CALN1: variants seen among roughly 807,000 people sequenced by gnomAD.
CALN1 encodes the protein calneuron 1.
A neutral mutation model predicts 30.6 loss-of-function variants in CALN1; 17 were observed. That is an observed-to-expected ratio of 0.56 (90% CI 0.38 to 0.83). CALN1 has a LOEUF of 0.83. Ranked by LOEUF, CALN1 falls within the 40% of genes least tolerant of loss-of-function variation. The probability of loss-of-function intolerance (pLI) is 0.00; values close to 1 mark genes in which losing one functional copy is unlikely to be tolerated. For missense variants in CALN1, 291 were observed against 354.9 expected, an observed-to-expected ratio of 0.82 and a Z score of 1.45; for synonymous variants, 156 against 131.4, an observed-to-expected ratio of 1.19 and a Z score of -1.28.
chr7:71,806,126 G>A (rs1281992438), intron 6 of CALN1, among the ~76,000 whole-genome samples: 1 of 152,120 alleles, frequency 6.6e-6, no homozygotes, highest in East Asian at 1.9e-4. Flanking sequence ...GTAATGGGTT[G>A]ATAGGTGCTG....
At chr7:71,910,697 A>C (rs1794381470) in intron 5 of CALN1, among the ~76,000 whole-genome samples, 1 of 152,210 alleles carries the variant, frequency 6.6e-6, no homozygotes. Context: ...AGCAGATTCT[A>C]GCAGCCTCAT....
At chr7:72,457,026 G>C in the CALN1 span, among the ~76,000 whole-genome samples, 770 of 26,852 alleles carry the variant, frequency 0.029, 3 homozygotes, top group African/African-American at 0.084. Context: ...TTTTTTTTTT[G>C]AGACAGAGTT....
At chr7:71,831,909 C>T (rs369891376) in intron 5 of CALN1, among the ~76,000 whole-genome samples, 1 of 66,428 alleles carries the variant, frequency 1.5e-5, no homozygotes, top group Non-Finnish European at 3.5e-5. Context: ...AAACCAAAAA[C>T]AAGAAAACTA....
At chr7:72,147,419 C>T (rs1324249567) in intron 3 of CALN1, among the ~76,000 whole-genome samples, 1 of 150,194 alleles carries the variant, frequency 6.7e-6, no homozygotes, top group Non-Finnish European at 1.5e-5. Context: ...CAATGAGATA[C>T]CATCTCACAC....
At chr7:72,379,912 A>G (rs2129560748) in intron 2 of CALN1, among the ~76,000 whole-genome samples, 1 of 152,298 alleles carries the variant, frequency 6.6e-6, no homozygotes, top group Middle Eastern at 3.4e-3. Flanking sequence ...CATCACATGC[A>G]ACCTTCTCCC....
chr7:72,011,495 CCTGAA>C (rs1182593272), intron 5 of CALN1, among the ~76,000 whole-genome samples: 1 of 152,214 alleles, frequency 6.6e-6, no homozygotes, highest in East Asian at 1.9e-4. Flanking sequence ...TGTTCCCTCT[CCTGAA>C]CCTGCCTTTG....
intron 3 of CALN1, among the ~76,000 whole-genome samples, chr7:72,135,604 T>G (rs569773237): frequency 6.6e-6 from 1 of 152,204 alleles, no homozygotes; most frequent in Non-Finnish European, 1.5e-5. Flanking sequence ...TATAAACAGA[T>G]GTGCTGTCAT....
chr7:72,143,625 C>A (rs996359279), intron 3 of CALN1, among the ~76,000 whole-genome samples: 1 of 151,922 alleles, frequency 6.6e-6, no homozygotes, highest in East Asian at 1.9e-4. Flanking sequence ...ATACAGAGAA[C>A]GCTACAAAGA....
chr7:72,279,428 T>G (rs924270420), intron 2 of CALN1, among the ~76,000 whole-genome samples: 13 of 152,224 alleles, frequency 8.5e-5, no homozygotes, highest in Non-Finnish European at 1.6e-4. Flanking sequence ...ACACACATTC[T>G]GAAATGCTAA....
intron 6 of CALN1, among the ~76,000 whole-genome samples, chr7:71,805,865 A>G (rs756049139): frequency 6.6e-6 from 1 of 152,216 alleles, no homozygotes; most frequent in Non-Finnish European, 1.5e-5. Flanking sequence ...TAGACTGGAT[A>G]AAGAAAGTGT....
chr7:71,933,807 C>T (rs537550012), intron 5 of CALN1, among the ~76,000 whole-genome samples: 3 of 152,214 alleles, frequency 2.0e-5, no homozygotes, highest in Non-Finnish European at 4.4e-5. Flanking sequence ...ATAAGTCACA[C>T]GGTCCTGCTG....
chr7:72,380,907 A>C (rs182850777), intron 2 of CALN1, among the ~76,000 whole-genome samples: 379 of 152,302 alleles, frequency 2.5e-3, no homozygotes, highest in Non-Finnish European at 4.2e-3. Flanking sequence ...AGGATGCAGG[A>C]AGACATGGCC....
chr7:72,113,948 A>G (rs1161657741), intron 3 of CALN1, among the ~76,000 whole-genome samples: 3 of 152,120 alleles, frequency 2.0e-5, no homozygotes, highest in Non-Finnish European at 2.9e-5. Context: ...TAAGGGGAAG[A>G]TGAGGAACTC....
At chr7:71,919,012 C>T (rs1008868998) in intron 5 of CALN1, among the ~76,000 whole-genome samples, 1 of 152,088 alleles carries the variant, frequency 6.6e-6, no homozygotes, top group Non-Finnish European at 1.5e-5. Context: ...ATCTTTATGT[C>T]CCTTATACTG....
At chr7:72,093,789 G>A (rs1439572309) in intron 4 of CALN1, among the ~76,000 whole-genome samples, 2 of 152,128 alleles carry the variant, frequency 1.3e-5, no homozygotes, top group African/African-American at 4.8e-5. Flanking sequence ...CAGGGAAGAT[G>A]CCAAATTTAA....
rs1276606943 is a variant in CALN1, at chr7:71,783,376, T to G, written c.*4399A>C. Reference sequence around the variant, plus strand: ...TAGCAGGGGAATTCCAGACCCCCCCTGTTATCTTGGTGAAATGGTAAAAAA... The same window carrying G: ...TAGCAGGGGAATTCCAGACCCCCCCGGTTATCTTGGTGAAATGGTAAAAAA... On this transcript the variant is annotated 3_prime_UTR_variant, in exon 7 of 7. Coordinates refer to ENST00000395275, the MANE Select transcript of CALN1 (RefSeq NM_031468.4). 6.6e-6 allele frequency: 1 copy of G among 151,974 alleles called. No homozygotes were observed. 9.4% of individuals were successfully genotyped at this position (151,974 alleles called of 1,614,324 possible).
chr7:72,239,694 A>G (rs1585240711), intron 3 of CALN1, among the ~76,000 whole-genome samples: 1 of 17,294 alleles, frequency 5.8e-5, no homozygotes, highest in East Asian at 0.5. Flanking sequence ...GATGCTACAG[A>G]AAAAAAAAAT....
rs151266136 is a variant in CALN1, at chr7:72,169,971, G to A, written c.245-63677C>T. The stretch of plus-strand genomic sequence containing the variant: ...GCCTCCCGAAGTGCTGGGATTACGG[G>A]CGTGAGACACCGCACCTGGCCAATT... On this transcript the variant is annotated intron_variant, in intron 3 of 6. Transcript: ENST00000395275. Among the ~76,000 whole-genome samples the A allele has an allele frequency of 5.6e-3, 845 of 151,638 alleles. 3 individuals carry two copies. The highest frequency in any genetic ancestry group is 8.8e-3 in the Non-Finnish European group (598 of 67,922).
rs80312650 is a variant in CALN1, at chr7:72,210,011, C to T, written c.244+68675G>A. 5.1e-3 allele frequency among the ~76,000 whole-genome samples: 775 copies of T among 152,278 alleles called. 5 individuals are homozygous for T. The highest frequency in any genetic ancestry group is 0.018 in the African/African-American group (750 of 41,556). ...AAGAGGGTGTTCCAGCAGCATCCCC[C>T]GAAGCCCTCGTTTCTGACGGTGGTC... is the stretch of plus-strand genomic sequence containing the variant. On this transcript the variant is annotated intron_variant, in intron 3 of 6. Transcript: ENST00000395275.
Sources: gnomAD v4.1 joint callset for allele counts (sites outside exome capture counted in the v4.1 genomes callset) on GRCh38, gnomAD v4.1.1 for gene constraint, MANE v1.5 for transcripts, NCBI Gene and HGNC (gene_info 2026-07-23, HGNC 2026-07-21) for gene names.